CPNE1: variants seen among roughly 807,000 people sequenced by gnomAD.
CPNE1 encodes copine 1, also known as copine-1.
Under a neutral mutation model 63.2 loss-of-function variants are expected in CPNE1, and 58 were observed. The ratio of observed to expected loss-of-function variants is 0.92; its 90% confidence interval spans 0.74 to 1.14. The LOEUF (loss-of-function observed/expected upper bound fraction) is 1.14. CPNE1 is among the 50% of genes most tolerant of loss of function. The probability of loss-of-function intolerance (pLI) is 0.00; values close to 1 mark genes in which losing one functional copy is unlikely to be tolerated. For missense variants in CPNE1, 672 were observed against 661.7 expected, an observed-to-expected ratio of 1.02 and a Z score of -0.17; for synonymous variants, 237 against 249.0, an observed-to-expected ratio of 0.95 and a Z score of 0.45.
chr20:35,640,733 C>T (rs1012848252), intron 1 of CPNE1, among the ~76,000 whole-genome samples: 4 of 152,114 alleles, frequency 2.6e-5, no homozygotes, highest in Admixed American at 6.5e-5. Flanking sequence ...TCTGTGCCAA[C>T]GCCTGGAACA....
chr20:35,647,918 T>C (rs2033233074), intron 1 of CPNE1, among the ~76,000 whole-genome samples: 1 of 142,614 alleles, frequency 7.0e-6, no homozygotes, highest in Non-Finnish European at 1.5e-5. Context: ...AAAAAAAAAT[T>C]AGCTGGGCTT....
intron 6 of CPNE1, 67 bp downstream of exon 6, chr20:35,631,878 C>G (rs929483345): frequency 1.5e-5 from 23 of 1,564,308 alleles, no homozygotes; most frequent in Non-Finnish European, 1.7e-5. Flanking sequence ...AGTTCCAAAC[C>G]TTGCTAGTCA....
At chr20:35,655,005 T>C (rs1459141023) in intron 1 of CPNE1, 1 of 1,614,200 alleles carries the variant, frequency 6.2e-7, no homozygotes, top group Admixed American at 1.7e-5. Context: ...TAGGTGGTGG[T>C]CCTGATCTAC....
In CPNE1 at chr20:35,632,034, G is replaced by A; in HGVS notation, c.457-9C>T. 2 of 1,613,760 alleles carry A rather than the reference G, an allele frequency of 1.2e-6. No homozygotes were observed. The highest frequency in any genetic ancestry group is 8.5e-7 in the Non-Finnish European group (1 of 1,179,740). ...GATTTTCCCAGGAAGTCCTGCCAAT[G>A]CGAGACCCCAGTTACAAGACTCAGG... On this transcript the variant is annotated splice_polypyrimidine_tract_variant and intron_variant, in intron 5 of 15. Coordinates refer to ENST00000397443, the MANE Select transcript of CPNE1 (RefSeq NM_152925.3).
intron 1 of CPNE1, chr20:35,652,740 T>C (rs1409513021): frequency 6.2e-7 from 1 of 1,613,688 alleles, no homozygotes; most frequent in East Asian, 2.2e-5. Flanking sequence ...AGGGCATGTT[T>C]TGCACTTTAA....
intron 10 of CPNE1, 39 bp downstream of exon 10, chr20:35,631,074 GC>G: frequency 6.2e-7 from 1 of 1,614,158 alleles, no homozygotes; most frequent in South Asian, 1.1e-5. Context: ...GCCACCCTGA[GC>G]CCCAGACCTG....
At chr20:35,652,406 C>T in intron 1 of CPNE1, 1 of 1,230,142 alleles carries the variant, frequency 8.1e-7, no homozygotes, top group Admixed American at 2.3e-5. Flanking sequence ...TTATGGAAAC[C>T]AAGCTATATG....
chr20:35,634,787 G>A (rs894065819), intron 1 of CPNE1, among the ~76,000 whole-genome samples: 26 of 151,972 alleles, frequency 1.7e-4, no homozygotes, highest in African/African-American at 6.0e-4. Context: ...CACCCAGGCT[G>A]AAGTGCAGTG....
At chr20:35,658,715 G>A (rs60351499) in intron 1 of CPNE1, among the ~76,000 whole-genome samples, 10,247 of 151,706 alleles carry the variant, frequency 0.068, 424 homozygotes, top group South Asian at 0.18. Context: ...AGCCGAGATG[G>A]CACCACTGCA....
intron 1 of CPNE1, 93 bp downstream of exon 1, chr20:35,664,667 G>C (rs978091274): frequency 6.6e-6 from 1 of 152,454 alleles, no homozygotes; most frequent in African/African-American, 2.4e-5. Flanking sequence ...GTTGCCGCGG[G>C]CTCGAAGGCC....
At chr20:35,646,769 C>T (rs1298892821) in intron 1 of CPNE1, among the ~76,000 whole-genome samples, 1 of 152,170 alleles carries the variant, frequency 6.6e-6, no homozygotes, top group Non-Finnish European at 1.5e-5. Flanking sequence ...ACACTCAACA[C>T]CTTTGACTGT....
chr20:35,632,307 T>C lies in CPNE1; in HGVS notation c.384+4A>G. On this transcript the variant is annotated splice_donor_region_variant and intron_variant, in intron 4 of 15. Coordinates refer to ENST00000397443, the MANE Select transcript of CPNE1 (RefSeq NM_152925.3). ...CCCTCCTCAACCCTTGCTGGGTTCC[T>C]TACCGTGATGGTCCCCCGCCCAGCA... 6.2e-7 allele frequency: 1 copy of C among 1,613,990 alleles called. No individual in the cohort carries two copies. Among genetic ancestry groups the C allele is most frequent in the Non-Finnish European group, 8.5e-7 (1 of 1,179,860 alleles).
At chr20:35,655,003 G>A in intron 1 of CPNE1, 1 of 1,614,156 alleles carries the variant, frequency 6.2e-7, no homozygotes, top group African/African-American at 1.3e-5. Context: ...GCTAGGTGGT[G>A]GTCCTGATCT....
intron 1 of CPNE1, chr20:35,652,824 G>GGGGCCA: frequency 6.3e-7 from 1 of 1,593,576 alleles, no homozygotes; most frequent in Non-Finnish European, 8.5e-7. Context: ...GGCCAGGGCC[G>GGGGCCA]GGGCCGGGGC....
intron 1 of CPNE1, chr20:35,647,430 C>A (rs528088072): frequency 6.6e-6 from 1 of 151,778 alleles, no homozygotes; most frequent in Non-Finnish European, 1.5e-5. Flanking sequence ...GAAGCAAGCA[C>A]ATCTTAAACA....
In CPNE1 at chr20:35,631,763, G is replaced by T; in HGVS notation, c.552C>A (p.Asn184Lys). Residue 184 changes from asparagine (N) to lysine (K), a missense_variant, in exon 7 of 16, where the codon AAC becomes AAA. Physicochemically the swap from Asn to Lys is moderately conservative, Grantham distance 94. Transcript: ENST00000397443. ...AGAAACGCTTCCATGTAGGGTTCAG[G>T]TTGTTCTTGATGACCTGAAGGTGGA... ...LVYRSEVIKN[N>K]LNPTWKRFSV... 6.2e-7 allele frequency: 1 copy of T among 1,613,996 alleles called. No individual in the cohort carries two copies. Among genetic ancestry groups the T allele is most frequent in the East Asian group, 2.2e-5 (1 of 44,888 alleles).
chr20:35,659,135 TATC>T, intron 1 of CPNE1: 2 of 316,062 alleles, frequency 6.3e-6, no homozygotes, highest in Non-Finnish European at 1.1e-5. Flanking sequence ...TTAGAATGCA[TATC>T]AAAAAAAAAA....
chr20:35,635,294 A>C (rs2032425342), intron 1 of CPNE1, among the ~76,000 whole-genome samples: 2 of 152,088 alleles, frequency 1.3e-5, no homozygotes. Context: ...ACATGTATAT[A>C]CTGTTTCCCC....
intron 1 of CPNE1, among the ~76,000 whole-genome samples, chr20:35,637,554 CTAATA>C (rs2032557220): frequency 6.6e-6 from 1 of 152,088 alleles, no homozygotes; most frequent in South Asian, 2.1e-4. Flanking sequence ...ATCCATGGTT[CTAATA>C]TGACATTATT....
Sources: allele counts gnomAD v4.1 joint callset (sites outside exome capture counted in the v4.1 genomes callset), GRCh38; gene constraint gnomAD v4.1.1; transcripts MANE v1.5; gene names NCBI Gene and HGNC (gene_info 2026-07-23, HGNC 2026-07-21).